The following MSRA variants were observed in gnomAD, a reference collection of about 807,000 sequenced individuals.
MSRA encodes methionine sulfoxide reductase A.
In MSRA, 54 loss-of-function variants were observed where a neutral mutation model predicts 31.3. That is an observed-to-expected ratio of 1.73 (90% CI 1.39 to 2.17). The LOEUF (loss-of-function observed/expected upper bound fraction) is 2.17, where lower values mean the gene tolerates loss of function less well. Ranked by LOEUF, MSRA falls within the 30% of genes most tolerant of loss-of-function variation. The probability of loss-of-function intolerance (pLI) is 0.00; values close to 1 mark genes in which losing one functional copy is unlikely to be tolerated. For synonymous variants in MSRA, 169 were observed against 116.5 expected (o/e 1.45, Z -2.90); for missense variants, 507 against 300.9 (o/e 1.69, Z -5.07).
intron 2 of MSRA, among the ~76,000 whole-genome samples, chr8:10,234,844 A>G (rs1432464547): frequency 6.6e-6 from 1 of 152,112 alleles, no homozygotes; most frequent in African/African-American, 2.4e-5. Flanking sequence ...CATTAAAAAT[A>G]CTAAACAATA....
At chr8:10,114,337 T>C (rs189749022) in intron 1 of MSRA, among the ~76,000 whole-genome samples, 7 of 152,340 alleles carry the variant, frequency 4.6e-5, no homozygotes, top group Non-Finnish European at 7.3e-5. Context: ...TTTTCAATTA[T>C]CTGGGGGCCA....
chr8:10,074,564 C>T (rs996934241), intron 1 of MSRA, among the ~76,000 whole-genome samples: 10 of 152,116 alleles, frequency 6.6e-5, no homozygotes, highest in Admixed American at 5.2e-4. Flanking sequence ...GATATTATGT[C>T]CTGCATCTCT....
At chr8:10,398,065 T>C (rs1807211453) in intron 5 of MSRA, among the ~76,000 whole-genome samples, 2 of 152,338 alleles carry the variant, frequency 1.3e-5, no homozygotes, top group South Asian at 4.1e-4. Context: ...TAAATTTGTG[T>C]AAAAATCTAC....
chr8:10,344,956 G>A (rs2129153737), intron 5 of MSRA, among the ~76,000 whole-genome samples: 3 of 152,268 alleles, frequency 2.0e-5, no homozygotes, highest in Admixed American at 2.0e-4. Flanking sequence ...TGTCGATTTT[G>A]CCTGGACTCA....
intron 5 of MSRA, among the ~76,000 whole-genome samples, chr8:10,378,540 G>T (rs1026109315): frequency 6.6e-6 from 1 of 152,176 alleles, no homozygotes; most frequent in Non-Finnish European, 1.5e-5. Flanking sequence ...GTGAGACTGG[G>T]CTCACTGTGG....
At chr8:10,244,760 C>A (rs1227747016) in intron 2 of MSRA, among the ~76,000 whole-genome samples, 1 of 152,056 alleles carries the variant, frequency 6.6e-6, no homozygotes, top group Non-Finnish European at 1.5e-5. Flanking sequence ...AGTAAATTTT[C>A]TATTGATTCA....
chr8:10,237,148 A>G (rs967375897), intron 2 of MSRA, among the ~76,000 whole-genome samples: 2 of 152,212 alleles, frequency 1.3e-5, no homozygotes, highest in Admixed American at 6.5e-5. Context: ...TTGGTCTCAT[A>G]ACTAGGTTGA....
intron 1 of MSRA, among the ~76,000 whole-genome samples, chr8:10,154,632 C>T (rs1325066130): frequency 6.6e-6 from 1 of 152,150 alleles, no homozygotes; most frequent in Non-Finnish European, 1.5e-5. Context: ...CCACCTCGGC[C>T]TCCCAAAGTG....
rs773723820 is a variant in MSRA, at chr8:10,054,553, C to T, written c.37C>T (p.Leu13Phe). 1.9e-6 allele frequency: 3 copies of T among 1,587,454 alleles called. No homozygotes were observed. The East Asian group carries it at 7.3e-5, about 39-fold the overall frequency. ...SATRRACQLL[L>F]LHSLFPVPRM... ...CACCCGGAGGGCTTGCCAGCTCCTCCTCCTCCACAGCCTCTTTCCCGTCCC... is the reference window on the plus strand; with the variant it reads ...CACCCGGAGGGCTTGCCAGCTCCTCTTCCTCCACAGCCTCTTTCCCGTCCC... Residue 13 changes from leucine to phenylalanine, a missense_variant, in exon 1 of 6, where the codon CTC (leucine) becomes TTC (phenylalanine). By Grantham distance (22) the Leu-to-Phe change is conservative. Transcript: ENST00000317173.
intron 4 of MSRA, among the ~76,000 whole-genome samples, chr8:10,313,440 C>G (rs1327303971): frequency 6.6e-6 from 1 of 151,374 alleles, no homozygotes; most frequent in Non-Finnish European, 1.5e-5. Flanking sequence ...GAACTGGTAC[C>G]TTGAAGTGGA....
chr8:10,231,707 A>G (rs934609439), intron 2 of MSRA, among the ~76,000 whole-genome samples: 1 of 152,170 alleles, frequency 6.6e-6, no homozygotes, highest in African/African-American at 2.4e-5. Context: ...GTTCAAGACC[A>G]GCCTGGTCAA....
At chr8:10,166,367 C>T (rs1033962440) in intron 1 of MSRA, among the ~76,000 whole-genome samples, 5 of 151,846 alleles carry the variant, frequency 3.3e-5, no homozygotes, top group South Asian at 2.1e-4. Flanking sequence ...ACTGCATGCA[C>T]GTGTATGCAT....
At chr8:10,119,546 C>G (rs146298120) in intron 1 of MSRA, among the ~76,000 whole-genome samples, 139 of 152,318 alleles carry the variant, frequency 9.1e-4, no homozygotes, top group African/African-American at 3.2e-3. Context: ...GTTCGCTGAT[C>G]AGCACTTGGG....
chr8:10,337,872 C>T (rs1224058648), intron 5 of MSRA: 1 of 695,808 alleles, frequency 1.4e-6, no homozygotes, highest in Non-Finnish European at 2.6e-6. Flanking sequence ...AAGTGGTCCT[C>T]ACAAATGCAC....
At chr8:10,417,877 G>A (rs942273834) in intron 5 of MSRA, among the ~76,000 whole-genome samples, 3 of 151,936 alleles carry the variant, frequency 2.0e-5, no homozygotes, top group Admixed American at 1.3e-4. Flanking sequence ...GCAGAAGGGG[G>A]AAGGTAGGAA....
At chr8:10,271,022 T>A (rs1216902757) in intron 3 of MSRA, among the ~76,000 whole-genome samples, 3 of 152,052 alleles carry the variant, frequency 2.0e-5, no homozygotes, top group Non-Finnish European at 4.4e-5. Context: ...ACATTTTTGT[T>A]CTGGCAATAA....
At chr8:10,220,731 T>C (rs1810415139) in intron 2 of MSRA, among the ~76,000 whole-genome samples, 1 of 152,222 alleles carries the variant, frequency 6.6e-6, no homozygotes. Flanking sequence ...GATTCAGTGC[T>C]TGGTGACATT....
At chr8:10,322,487 T>G (rs1360107679) in intron 5 of MSRA, among the ~76,000 whole-genome samples, 1 of 152,212 alleles carries the variant, frequency 6.6e-6, no homozygotes, top group East Asian at 1.9e-4. Flanking sequence ...GGCTGGTGAT[T>G]TTTTGTACAA....
At chr8:10,093,346 G>A (rs1188448297) in intron 1 of MSRA, among the ~76,000 whole-genome samples, 1 of 151,836 alleles carries the variant, frequency 6.6e-6, no homozygotes, top group Non-Finnish European at 1.5e-5. Context: ...ATGTTTTTGA[G>A]TTATTTGCTT....
Sources: gnomAD v4.1 joint callset for allele counts (sites outside exome capture counted in the v4.1 genomes callset) on GRCh38, gnomAD v4.1.1 for gene constraint, MANE v1.5 for transcripts, NCBI Gene and HGNC (gene_info 2026-07-23, HGNC 2026-07-21) for gene names.